The following PHF6 variants were observed in gnomAD, a reference collection of about 807,000 sequenced individuals.
PHF6 encodes the protein PHD-like zinc finger protein.
In PHF6, 7 loss-of-function variants were observed where a neutral mutation model predicts 34.0. That is an observed-to-expected ratio of 0.21 (90% CI 0.12 to 0.39). PHF6 has a LOEUF of 0.39. Ranked by LOEUF, PHF6 falls within the 10% of genes least tolerant of loss-of-function variation. PHF6 has a pLI of 1.00. For missense variants in PHF6, 128 were observed against 262.8 expected, an observed-to-expected ratio of 0.49 and a Z score of 3.55; for synonymous variants, 89 against 88.4, an observed-to-expected ratio of 1.01 and a Z score of -0.04.
At chrX:134,385,759 G>C (rs1255039863) in intron 3 of PHF6, among the ~76,000 whole-genome samples, 1 of 111,577 alleles carries the variant, frequency 9.0e-6, no homozygotes, top group Admixed American at 9.5e-5. Flanking sequence ...AGAGAGTAGA[G>C]AGCTGTGTAT....
intron 5 of PHF6, among the ~76,000 whole-genome samples, chrX:134,409,448 T>C (rs2077440061): frequency 9.0e-6 from 1 of 111,637 alleles, no homozygotes; most frequent in Non-Finnish European, 1.9e-5. Flanking sequence ...AGGATACTCT[T>C]GTGTATTCTT....
chrX:134,418,875 C>T (rs958540541), intron 9 of PHF6: 3 of 105,373 alleles, frequency 2.8e-5, no homozygotes, highest in Admixed American at 1.0e-4. Flanking sequence ...CAGGATCTGA[C>T]TCTGTTGTCC....
chrX:134,412,310 C>T (rs1046061250), intron 5 of PHF6, among the ~76,000 whole-genome samples: 1 of 112,096 alleles, frequency 8.9e-6, no homozygotes, highest in African/African-American at 3.2e-5. Context: ...TTGTTATTAA[C>T]TGTTTTGCAA....
chrX:134,387,075 AT>A (rs377766258), intron 3 of PHF6, among the ~76,000 whole-genome samples: 80 of 110,806 alleles, frequency 7.2e-4, no homozygotes, highest in African/African-American at 2.5e-3. Context: ...TATAAATGTG[AT>A]TTTTTTTAAA....
At chrX:134,405,767 C>CATGTGT (rs1024828379) in intron 5 of PHF6, among the ~76,000 whole-genome samples, 1 of 106,807 alleles carries the variant, frequency 9.4e-6, no homozygotes, top group Non-Finnish European at 1.9e-5. Flanking sequence ...TTTGTATATT[C>CATGTGT]ATGTGTATGT....
chrX:134,399,468 T>C (rs2077392326), intron 5 of PHF6, among the ~76,000 whole-genome samples: 1 of 111,416 alleles, frequency 9.0e-6, no homozygotes, highest in Non-Finnish European at 1.9e-5. Context: ...ATGTTAATAG[T>C]AACACGGGTA....
intron 3 of PHF6, among the ~76,000 whole-genome samples, chrX:134,390,966 C>CTTT (rs60513999): frequency 2.2e-5 from 2 of 92,809 alleles, no homozygotes; most frequent in African/African-American, 3.9e-5. Flanking sequence ...TTCTTTTTTT[C>CTTT]TTTTTTTTTT....
Position 134,387,801 on chromosome X carries a change from T to C in PHF6, c.241-5700T>C, listed in dbSNP as rs757628756. Among the ~76,000 whole-genome samples, 17 of 111,605 alleles carry C rather than the reference T, an allele frequency of 1.5e-4. No individual in the cohort carries two copies. In the Admixed American group the frequency reaches 1.5e-3, roughly 10 times the overall value. On this transcript the variant is annotated intron_variant, in intron 3 of 10. Coordinates refer to ENST00000370803, the MANE Select transcript of PHF6 (RefSeq NM_001015877.2). ...TAGTCTGTTAAATCTAGTAAAAATT[T>C]AATGAGTACTTTTCAGTGGCCCTAT...
At chrX:134,382,477 A>T (rs2077311550) in intron 3 of PHF6, among the ~76,000 whole-genome samples, 1 of 110,954 alleles carries the variant, frequency 9.0e-6, no homozygotes, top group African/African-American at 3.3e-5. Flanking sequence ...ACTTGAAAGA[A>T]GGATATTTGA....
chrX:134,403,899 A>G (rs2077412494), intron 5 of PHF6, among the ~76,000 whole-genome samples: 1 of 112,173 alleles, frequency 8.9e-6, no homozygotes, highest in Admixed American at 9.5e-5. Flanking sequence ...CCTACTGCTC[A>G]GAGAAAAAGA....
At chrX:134,400,145 CA>C (rs1413889674) in intron 5 of PHF6, among the ~76,000 whole-genome samples, 7 of 111,474 alleles carry the variant, frequency 6.3e-5, no homozygotes, top group Non-Finnish European at 1.3e-4. Context: ...GTGGCTCAAT[CA>C]CGGCTTACTG....
intron 5 of PHF6, among the ~76,000 whole-genome samples, chrX:134,404,525 C>T (rs970651942): frequency 4.5e-5 from 5 of 112,073 alleles, no homozygotes; most frequent in African/African-American, 1.3e-4. Flanking sequence ...TAGAATATTC[C>T]GTAAACATGG....
intron 5 of PHF6, among the ~76,000 whole-genome samples, chrX:134,399,680 CACACAG>C (rs1292783931): frequency 9.6e-5 from 10 of 103,858 alleles, no homozygotes; most frequent in African/African-American, 3.9e-4. Flanking sequence ...GACACACACA[CACACAG>C]ACACACACAC....
chrX:134,398,878 G>T (rs2077389327), intron 5 of PHF6, among the ~76,000 whole-genome samples: 1 of 111,823 alleles, frequency 8.9e-6, no homozygotes, highest in Non-Finnish European at 1.9e-5. Flanking sequence ...TATGGTTCTT[G>T]TTCTCAGAAT....
rs1463039544 is a variant in PHF6, at chrX:134,394,043, A to G, written c.418+91A>G. 4.9e-6 allele frequency: 4 copies of G among 813,820 alleles called. No individual in the cohort carries two copies. The highest frequency in any genetic ancestry group is 6.4e-5 in the East Asian group (2 of 31,067). The allele number at this position is 813,820 out of a possible 1,213,427, so 67.1% of individuals were successfully genotyped here. A position where few individuals can be genotyped will look rare whatever the true frequency, so the allele number is the denominator to read the frequency against. On this transcript the variant is annotated intron_variant, in intron 5 of 10. Transcript: ENST00000370803. ...GAATTATACTATATTAATTTTAACC[A>G]TAAGACATATCTCAACATTCAGTAC...
At chrX:134,417,361 T>C in intron 9 of PHF6, 59 bp downstream of exon 9, 1 of 1,110,359 alleles carries the variant, frequency 9.0e-7, no homozygotes, top group Admixed American at 2.2e-5. Context: ...CTTAAATAGA[T>C]GACATTAGTT....
intron 6 of PHF6, 68 bp downstream of exon 6, chrX:134,413,725 A>G: frequency 1.4e-5 from 17 of 1,187,637 alleles, no homozygotes; most frequent in Non-Finnish European, 1.9e-5. Context: ...AACTATCTAT[A>G]GGTAAAGTTC....
At chrX:134,390,966 C>CTTTTTTTTTTTTT (rs60513999) in intron 3 of PHF6, among the ~76,000 whole-genome samples, 5 of 92,824 alleles carry the variant, frequency 5.4e-5, no homozygotes, top group Admixed American at 2.6e-4. Context: ...TTCTTTTTTT[C>CTTTTTTTTTTTTT]TTTTTTTTTT....
intron 3 of PHF6, among the ~76,000 whole-genome samples, chrX:134,380,810 A>C (rs73573242): frequency 0.025 from 2,824 of 112,024 alleles, 99 homozygotes; most frequent in African/African-American, 0.085. Context: ...TGCTGGGCAC[A>C]TGGTTAGGAC....
Sources: allele counts gnomAD v4.1 joint callset (sites outside exome capture counted in the v4.1 genomes callset), GRCh38; gene constraint gnomAD v4.1.1; transcripts MANE v1.5; gene names NCBI Gene and HGNC (gene_info 2026-07-23, HGNC 2026-07-21).